TTC7A: variants seen among roughly 807,000 people sequenced by gnomAD.
TTC7A encodes tetratricopeptide repeat protein 7A.
In TTC7A, 110 loss-of-function variants were observed where a neutral mutation model predicts 103.7. That is an observed-to-expected ratio of 1.06 (90% CI 0.91 to 1.24). TTC7A has a LOEUF of 1.24. Among genes scored for constraint, TTC7A ranks in the 50% most tolerant of loss-of-function variants. TTC7A has a pLI of 0.00. For missense variants in TTC7A, 1,340 were observed against 1,116.3 expected (o/e 1.20, Z -2.86); for synonymous variants, 521 against 467.9 (o/e 1.11, Z -1.47).
rs144183590 is a variant in TTC7A at position 47,054,301 on chromosome 2, C to G, written c.2152+2421C>G. ...GACAGCCTTGACTGGGACAGCGACT[C>G]TTCTGTCCCTAGGGTATCACTGTCG... On this transcript the variant is annotated intron_variant, in intron 18 of 19. Coordinates refer to ENST00000319190, the MANE Select transcript of TTC7A (RefSeq NM_020458.4). 790 of 349,566 alleles carry G rather than the reference C, an allele frequency of 2.3e-3. 5 individuals carry two copies. The highest frequency in any genetic ancestry group is 0.016 in the African/African-American group (743 of 45,276). 21.7% of individuals were successfully genotyped at this position (349,566 alleles called of 1,614,324 possible). A position where few individuals can be genotyped will look rare whatever the true frequency, so the allele number is the denominator to read the frequency against.
At chr2:46,917,200 T>C in exon 2 of TTC7A, 2 of 701,224 alleles carry the variant, frequency 2.9e-6, no homozygotes, top group Non-Finnish European at 5.2e-6. Flanking sequence ...GTCTCCATGG[T>C]GCCCAGCTCG....
intron 19 of TTC7A, among the ~76,000 whole-genome samples, chr2:47,072,898 C>T (rs1684887543): frequency 6.6e-6 from 1 of 152,232 alleles, no homozygotes; most frequent in South Asian, 2.1e-4. Flanking sequence ...GACAAGGTGC[C>T]AGTTTCACTT....
intron 14 of TTC7A, among the ~76,000 whole-genome samples, chr2:47,025,352 C>T (rs1011605439): frequency 8.5e-5 from 13 of 152,196 alleles, no homozygotes; most frequent in African/African-American, 3.1e-4. Flanking sequence ...CCTCTCTGAT[C>T]CACAGCCCAC....
intron 2 of TTC7A, among the ~76,000 whole-genome samples, chr2:46,951,169 G>C (rs1671371010): frequency 6.6e-6 from 1 of 152,196 alleles, no homozygotes; most frequent in Non-Finnish European, 1.5e-5. Context: ...CTGAGTACAA[G>C]ACACTGAGGG....
At chr2:46,921,213 A>T (rs1163261307) in intron 2 of TTC7A, among the ~76,000 whole-genome samples, 1 of 152,240 alleles carries the variant, frequency 6.6e-6, no homozygotes, top group African/African-American at 2.4e-5. Flanking sequence ...GCAGACTGGG[A>T]AGAAAAAGTA....
intron 4 of TTC7A, among the ~76,000 whole-genome samples, chr2:46,978,418 C>T (rs1356254289): frequency 6.6e-6 from 1 of 152,118 alleles, no homozygotes; most frequent in Non-Finnish European, 1.5e-5. Context: ...GAATTTAAAG[C>T]TCTGTGATTG....
intron 3 of TTC7A, among the ~76,000 whole-genome samples, chr2:46,973,481 C>A (rs1673557926): frequency 6.6e-6 from 1 of 151,844 alleles, no homozygotes; most frequent in Non-Finnish European, 1.5e-5. Flanking sequence ...AGGATGGATC[C>A]CTCCCACTGC....
chr2:46,974,628 G>A, intron 3 of TTC7A: 1 of 458,034 alleles, frequency 2.2e-6, no homozygotes, highest in South Asian at 1.6e-5. Flanking sequence ...GGAAAAGGAG[G>A]AAAGAGGAAA....
intron 2 of TTC7A, among the ~76,000 whole-genome samples, chr2:46,926,663 A>G (rs1669399594): frequency 1.3e-5 from 2 of 152,266 alleles, no homozygotes; most frequent in African/African-American, 4.8e-5. Context: ...TTTCAGAAGA[A>G]TATAAAATTA....
rs558224814 is a variant in TTC7A, at chr2:47,058,073, G to A, written c.2153-2696G>A. 6.6e-5 allele frequency among the ~76,000 whole-genome samples: 10 copies of A among 152,306 alleles called. No homozygotes were observed. In the South Asian group the frequency reaches 1.4e-3, roughly 22 times the overall value. On this transcript the variant is annotated intron_variant, in intron 18 of 19. Transcript: ENST00000319190. ...CCCAGCAGCAGCTCAACAGCAAAGC[G>A]GAGAGGGAGAGCTGAGGCTGAGAGA...
intron 11 of TTC7A, among the ~76,000 whole-genome samples, chr2:47,017,277 G>A (rs11896335): frequency 0.47 from 70,574 of 150,206 alleles, 16,951 homozygotes; most frequent in East Asian, 0.77. Flanking sequence ...CATTTTGGGA[G>A]GCTAAGTGGG....
chr2:47,032,859 CAA>C (rs10586448), intron 15 of TTC7A, among the ~76,000 whole-genome samples: 3,232 of 87,830 alleles, frequency 0.037, 69 homozygotes, highest in African/African-American at 0.11. Flanking sequence ...TTGTTTTAAG[CAA>C]AAAAAAAAAA....
rs1254022685 is a variant in TTC7A at position 47,073,572 on chromosome 2, C to G, written c.2356-130C>G. The stretch of plus-strand genomic sequence containing the variant: ...AAAGGCACAGTCACTTAACAGTGCC[C>G]AAGCCAGAGACGCGGGAATCCTCTC... On this transcript the variant is annotated intron_variant, in intron 19 of 19. Coordinates refer to ENST00000319190, the MANE Select transcript of TTC7A (RefSeq NM_020458.4). 7 of 774,680 alleles carry G rather than the reference C, an allele frequency of 9.0e-6. No individual in the cohort carries two copies. The South Asian group carries it at 1.0e-4, about 11-fold the overall frequency. 48.0% of individuals were successfully genotyped at this position (774,680 alleles called of 1,614,324 possible).
At chr2:47,006,170 T>G in intron 9 of TTC7A, 111 bp downstream of exon 9, 1 of 1,441,058 alleles carries the variant, frequency 6.9e-7, no homozygotes, top group Non-Finnish European at 9.4e-7. Flanking sequence ...GCCAGGCTGC[T>G]CTGCCGCTTT....
At chr2:47,062,261 G>T (rs776560545) in intron 19 of TTC7A, among the ~76,000 whole-genome samples, 6 of 152,164 alleles carry the variant, frequency 3.9e-5, no homozygotes, top group Non-Finnish European at 5.9e-5. Context: ...TTTCCAACCT[G>T]ACAGTCCTTG....
intron 5 of TTC7A, among the ~76,000 whole-genome samples, chr2:46,987,612 C>T (rs1347447645): frequency 6.6e-6 from 1 of 152,192 alleles, no homozygotes; most frequent in Non-Finnish European, 1.5e-5. Context: ...CCAGAGTGAG[C>T]TTGGGCCGTG....
chr2:47,060,559 T>G (rs1683685622), intron 18 of TTC7A, among the ~76,000 whole-genome samples: 1 of 152,324 alleles, frequency 6.6e-6, no homozygotes, highest in East Asian at 1.9e-4. Flanking sequence ...GACTGGCACT[T>G]AGCAAGGTGC....
intron 15 of TTC7A, among the ~76,000 whole-genome samples, chr2:47,042,702 G>GTGTGTGTGTGTGTGTATATA (rs111460716): frequency 7.0e-6 from 1 of 142,636 alleles, no homozygotes; most frequent in Non-Finnish European, 1.5e-5. Flanking sequence ...GTGTGTGTGT[G>GTGTGTGTGTGTGTGTATATA]TATATATATG....
At chr2:46,933,223 G>A (rs939097671) in intron 2 of TTC7A, among the ~76,000 whole-genome samples, 8 of 152,150 alleles carry the variant, frequency 5.3e-5, no homozygotes, top group Non-Finnish European at 8.8e-5. Flanking sequence ...CTGGGACCCC[G>A]AGGAACAGAA....
Sources: gnomAD v4.1 joint callset for allele counts (sites outside exome capture counted in the v4.1 genomes callset) on GRCh38, gnomAD v4.1.1 for gene constraint, MANE v1.5 for transcripts, NCBI Gene and HGNC (gene_info 2026-07-23, HGNC 2026-07-21) for gene names.